Variants in PDK1 observed in about 807,000 individuals in gnomAD.
PDK1 encodes the protein pyruvate dehydrogenase kinase 1, also known as [Pyruvate dehydrogenase (acetyl-transferring)] kinase isozyme 1, mitochondrial.
In PDK1, 39 loss-of-function variants were observed where a neutral mutation model predicts 54.2. The observed-to-expected ratio is 0.72, with a 90% confidence interval of 0.56 to 0.94. The LOEUF (loss-of-function observed/expected upper bound fraction) is 0.94. Ranked by LOEUF, PDK1 falls within the 40% of genes least tolerant of loss-of-function variation. The probability of loss-of-function intolerance (pLI) is 0.00; values close to 1 mark genes in which losing one functional copy is unlikely to be tolerated. For missense variants in PDK1, 552 were observed against 566.0 expected, an observed-to-expected ratio of 0.98 and a Z score of 0.25; for synonymous variants, 221 against 207.1, an observed-to-expected ratio of 1.07 and a Z score of -0.58.
At chr2:172,613,457 A>T (rs1691524850), downstream of PDK1, among the ~76,000 whole-genome samples, 1 of 151,894 alleles carries the variant, frequency 6.6e-6, no homozygotes, top group South Asian at 2.1e-4. Flanking sequence ...TTTTGCTGCT[A>T]ATTCCTTTTT....
rs746589853 is a variant in PDK1 at position 172,558,836 on chromosome 2, T to A, written c.325T>A (p.Leu109Met). ...TCTTCTCAGGACACCATCCGTTCAATTGGTACAAAGCTGGTAAGATTCTCA... is the reference window on the plus strand; with the variant it reads ...TCTTCTCAGGACACCATCCGTTCAAATGGTACAAAGCTGGTAAGATTCTCA... ...DNLLRTPSVQ[L>M]VQSWYIQSLQ... Residue 109 changes from leucine (L) to methionine (M), a missense_variant, in exon 2 of 11, where the codon TTG becomes ATG. Leu to Met is a conservative substitution (Grantham distance 15, BLOSUM62 2). Coordinates refer to ENST00000282077, the MANE Select transcript of PDK1 (RefSeq NM_002610.5). 4 of 1,612,334 alleles carry A rather than the reference T, an allele frequency of 2.5e-6. No homozygotes were observed. The Admixed American group carries it at 6.7e-5, about 27-fold the overall frequency.
the PDK1 span, among the ~76,000 whole-genome samples, chr2:172,645,260 CTTTTTTTTTTTTTT>C: frequency 9.8e-5 from 5 of 51,144 alleles, no homozygotes; most frequent in Non-Finnish European, 1.4e-4. Context: ...ACAAAATAGG[CTTTTTTTTTTTTTT>C]TTTTTTTTTT....
chr2:172,631,583 T>A, the PDK1 span, among the ~76,000 whole-genome samples: 1 of 152,200 alleles, frequency 6.6e-6, no homozygotes, highest in African/African-American at 2.4e-5. Context: ...CAAAATTCCC[T>A]AGGGTGATTT....
intron 9 of PDK1, among the ~76,000 whole-genome samples, chr2:172,589,233 C>G (rs151016221): frequency 6.6e-6 from 1 of 152,200 alleles, no homozygotes; most frequent in South Asian, 2.1e-4. Context: ...GTTAATGTAT[C>G]GCTCAGAGTC....
At chr2:172,688,798 C>CTG in the PDK1 span, among the ~76,000 whole-genome samples, 150,693 of 152,176 alleles carry the variant, frequency 0.99, 74,645 homozygotes, top group Middle Eastern at 1. Context: ...AGTGTGAACA[C>CTG]TGTTGAATCC....
chr2:172,646,183 TTA>T, the PDK1 span, among the ~76,000 whole-genome samples: 6 of 152,204 alleles, frequency 3.9e-5, no homozygotes, highest in Non-Finnish European at 8.8e-5. Flanking sequence ...AAATGACTTC[TTA>T]TATATGTCTG....
the PDK1 span, among the ~76,000 whole-genome samples, chr2:172,657,125 T>C: frequency 6.6e-6 from 1 of 152,170 alleles, no homozygotes; most frequent in Non-Finnish European, 1.5e-5. Context: ...GGGAGGTGGT[T>C]TGCCCTGTGA....
chr2:172,609,225 G>A (rs1209477845), downstream of PDK1, among the ~76,000 whole-genome samples: 1 of 152,140 alleles, frequency 6.6e-6, no homozygotes, highest in Non-Finnish European at 1.5e-5. Context: ...TCCAGAAAAT[G>A]ATTGTTAAGT....
At chr2:172,643,587 A>G in the PDK1 span, among the ~76,000 whole-genome samples, 100 of 152,276 alleles carry the variant, frequency 6.6e-4, 1 homozygote, top group South Asian at 0.013. Flanking sequence ...GGGACAGGCC[A>G]CATCTCCAGT....
At chr2:172,648,829 G>T in the PDK1 span, among the ~76,000 whole-genome samples, 1 of 152,212 alleles carries the variant, frequency 6.6e-6, no homozygotes, top group Admixed American at 6.5e-5. Context: ...AAACAAAGCT[G>T]CCAGGAAGCT....
chr2:172,616,572 A>G, the PDK1 span, among the ~76,000 whole-genome samples: 1 of 152,244 alleles, frequency 6.6e-6, no homozygotes, highest in Non-Finnish European at 1.5e-5. Flanking sequence ...TAATGGTTGC[A>G]TGGATGGAAT....
Position 172,565,075 on chromosome 2 carries a change from T to C in PDK1, c.691+2T>C. The C allele has an allele frequency of 6.6e-7, 1 of 1,520,066 alleles. No homozygotes were observed. The highest frequency in any genetic ancestry group is 9.1e-7 in the Non-Finnish European group (1 of 1,096,952). 94.2% of individuals were successfully genotyped at this position (1,520,066 alleles called of 1,614,324 possible). ...GCAATGTACTTGAAGTTATTAAAGGTAAATACTGACATTTCTCCTTGCAAA... is the reference window on the plus strand; with the variant it reads ...GCAATGTACTTGAAGTTATTAAAGGCAAATACTGACATTTCTCCTTGCAAA... On this transcript the variant is annotated splice_donor_variant, in intron 5 of 10. Transcript: ENST00000282077. LOFTEE classifies it high-confidence loss of function.
chr2:172,630,852 ACTC>A, the PDK1 span, among the ~76,000 whole-genome samples: 1 of 151,578 alleles, frequency 6.6e-6, no homozygotes, highest in African/African-American at 2.4e-5. Flanking sequence ...CTGATTTTGA[ACTC>A]CTGACCTCAA....
chr2:172,620,896 A>G, the PDK1 span, among the ~76,000 whole-genome samples: 1 of 152,222 alleles, frequency 6.6e-6, no homozygotes, highest in South Asian at 2.1e-4. Flanking sequence ...TCTTTTATTT[A>G]GAAACTACCG....
At position 172,568,350 on chromosome 2, in the gene PDK1, AG is replaced by A. The variant is rs1410128500; in HGVS notation, c.770-390del. Among the ~76,000 whole-genome samples the A allele has an allele frequency of 2.4e-3, 356 of 148,568 alleles. 7 individuals carry two copies. Among genetic ancestry groups the A allele is most frequent in the African/African-American group, 8.0e-3 (316 of 39,694 alleles). On this transcript the variant is annotated intron_variant, in intron 6 of 10. Coordinates refer to ENST00000282077, the MANE Select transcript of PDK1 (RefSeq NM_002610.5). ...CTCAAAAAAAAAAAAAAAAAAAAAA[AG>A]AAGAAGAAGAATGTATGCATGCATG... is the stretch of plus-strand genomic sequence containing the variant.
At position 172,559,518 on chromosome 2, in the gene PDK1, T is replaced by G. The variant is rs140814687; in HGVS notation, c.338+669T>G. ...AACAACCTTGCACAGTGGGTATGAT[T>G]CTCTCCATTTTATTCATTGTTATTA... On this transcript the variant is annotated intron_variant, in intron 2 of 10. Transcript: ENST00000282077. 3.4e-3 allele frequency among the ~76,000 whole-genome samples: 512 copies of G among 152,246 alleles called. 8 individuals are homozygous for G. The highest frequency in any genetic ancestry group is 0.012 in the African/African-American group (478 of 41,558).
intron 8 of PDK1, among the ~76,000 whole-genome samples, chr2:172,575,887 T>A (rs1429857602): frequency 6.6e-6 from 1 of 152,170 alleles, no homozygotes; most frequent in African/African-American, 2.4e-5. Flanking sequence ...GATTGTCCAT[T>A]TCTTCCTGAG....
intron 3 of PDK1, among the ~76,000 whole-genome samples, chr2:172,563,231 G>T (rs904666825): frequency 6.6e-6 from 1 of 152,052 alleles, no homozygotes; most frequent in Non-Finnish European, 1.5e-5. Flanking sequence ...CAGAGCTGTG[G>T]AAAATAAGTA....
At chr2:172,558,037 C>G (rs564956768) in intron 1 of PDK1, 1 of 152,350 alleles carries the variant, frequency 6.6e-6, no homozygotes, top group South Asian at 2.1e-4. Context: ...ATTGTGTTGC[C>G]CAGGCTGGTC....
Sources: gnomAD v4.1 joint callset for allele counts (sites outside exome capture counted in the v4.1 genomes callset) on GRCh38, gnomAD v4.1.1 for gene constraint, MANE v1.5 for transcripts, NCBI Gene and HGNC (gene_info 2026-07-23, HGNC 2026-07-21) for gene names.